The following RNF180 variants were observed in gnomAD, a reference collection of about 807,000 sequenced individuals.
RNF180 encodes the protein ring finger protein 180, also known as E3 ubiquitin-protein ligase RNF180.
A neutral mutation model predicts 59.2 loss-of-function variants in RNF180; 38 were observed. That is an observed-to-expected ratio of 0.64 (90% confidence interval 0.50 to 0.84). RNF180 has a LOEUF of 0.84. Ranked by LOEUF, RNF180 falls within the 40% of genes least tolerant of loss-of-function variation. The probability of loss-of-function intolerance (pLI) is 0.00; values close to 1 mark genes in which losing one functional copy is unlikely to be tolerated. For missense variants in RNF180, 705 were observed against 700.9 expected, an observed-to-expected ratio of 1.01 and a Z score of -0.07; for synonymous variants, 262 against 240.3, an observed-to-expected ratio of 1.09 and a Z score of -0.84.
intron 2 of RNF180, among the ~76,000 whole-genome samples, chr5:64,207,708 T>C (rs1240619463): frequency 2.0e-5 from 3 of 152,156 alleles, no homozygotes; most frequent in African/African-American, 4.8e-5. Context: ...TTTCAATTCA[T>C]TGTGACCTTT....
chr5:64,276,611 A>C (rs1325094186), intron 5 of RNF180, among the ~76,000 whole-genome samples: 1 of 152,004 alleles, frequency 6.6e-6, no homozygotes, highest in African/African-American at 2.4e-5. Flanking sequence ...TTATGGAGCC[A>C]TGTTCTCTCT....
intron 1 of RNF180, among the ~76,000 whole-genome samples, chr5:64,175,823 C>T (rs571701166): frequency 5.9e-5 from 9 of 152,192 alleles, no homozygotes; most frequent in Admixed American, 5.2e-4. Context: ...CTTTCACATG[C>T]TTGGTTAAAT....
At chr5:64,295,070 T>C (rs1363965644) in intron 5 of RNF180, among the ~76,000 whole-genome samples, 1 of 152,220 alleles carries the variant, frequency 6.6e-6, no homozygotes, top group African/African-American at 2.4e-5. Context: ...GTGTTATGTT[T>C]TAGGGTTTCA....
rs528102852 is a variant in RNF180, at chr5:64,202,413, C to T, written c.135+1471C>T. Among the ~76,000 whole-genome samples, 104 of 152,120 alleles carry T rather than the reference C, an allele frequency of 6.8e-4. 2 individuals carry two copies. The highest frequency in any genetic ancestry group is 3.9e-4 in the East Asian group (2 of 5,176). On this transcript the variant is annotated intron_variant, in intron 2 of 7. Transcript: ENST00000389100. ...TTTTCTGCTGAAGGACATTGGCATT[C>T]GTTCCAGTTTTAAGTTATGAATAAA... is the stretch of plus-strand genomic sequence containing the variant.
At position 64,325,128 on chromosome 5, in the gene RNF180, A is replaced by G. The variant is rs1580254659; in HGVS notation, c.1228-58A>G. The G allele has an allele frequency of 2.8e-6, 3 of 1,082,644 alleles. No homozygotes were observed. The East Asian group carries it at 7.8e-5, about 28-fold the overall frequency. The allele number at this position is 1,082,644 out of a possible 1,614,324, so 67.1% of individuals were successfully genotyped here. A position where few individuals can be genotyped will look rare whatever the true frequency, so the allele number is the denominator to read the frequency against. ...TTCATTTTAACAAAATATAAAGGCTATCTTAAGGAAACCAATCTCATACTA... is the reference window on the plus strand; with the variant it reads ...TTCATTTTAACAAAATATAAAGGCTGTCTTAAGGAAACCAATCTCATACTA... On this transcript the variant is annotated intron_variant, in intron 5 of 7. Transcript: ENST00000389100.
At chr5:64,279,302 G>A (rs1193164448) in intron 5 of RNF180, among the ~76,000 whole-genome samples, 1 of 152,062 alleles carries the variant, frequency 6.6e-6, no homozygotes, top group Admixed American at 6.6e-5. Flanking sequence ...ACAGATTTTT[G>A]GCTATAGCAA....
intron 5 of RNF180, among the ~76,000 whole-genome samples, chr5:64,239,757 C>A (rs1465474305): frequency 6.6e-6 from 1 of 152,054 alleles, no homozygotes; most frequent in East Asian, 1.9e-4. Context: ...TAACGATCAT[C>A]TTAAAAAATA....
intron 5 of RNF180, among the ~76,000 whole-genome samples, chr5:64,270,079 A>G (rs999554852): frequency 1.3e-5 from 2 of 152,074 alleles, no homozygotes; most frequent in African/African-American, 4.8e-5. Context: ...AAATCAGTGT[A>G]TTTCACAGAA....
chr5:64,225,309 G>A (rs995705578), intron 5 of RNF180, among the ~76,000 whole-genome samples: 1 of 151,030 alleles, frequency 6.6e-6, no homozygotes, highest in Non-Finnish European at 1.5e-5. Flanking sequence ...CGTCTGGGAA[G>A]TGTGGAGCGC....
intron 5 of RNF180, among the ~76,000 whole-genome samples, chr5:64,313,312 C>T (rs932779751): frequency 2.0e-5 from 3 of 152,046 alleles, no homozygotes; most frequent in Non-Finnish European, 4.4e-5. Context: ...TCCTCTCTCC[C>T]TTTACCCATA....
intron 5 of RNF180, among the ~76,000 whole-genome samples, chr5:64,297,459 C>CT (rs965262613): frequency 7.9e-5 from 12 of 151,794 alleles, no homozygotes; most frequent in Admixed American, 3.9e-4. Flanking sequence ...AGAAGGGCTT[C>CT]TTTTTTTGGT....
intron 7 of RNF180, among the ~76,000 whole-genome samples, chr5:64,351,234 G>T (rs181822481): frequency 9.3e-4 from 142 of 152,256 alleles, no homozygotes; most frequent in African/African-American, 3.2e-3. Context: ...AAGAATCCTT[G>T]TGATTTTTGT....
intron 5 of RNF180, among the ~76,000 whole-genome samples, chr5:64,234,661 G>A (rs1234228146): frequency 6.4e-5 from 8 of 124,276 alleles, no homozygotes; most frequent in South Asian, 2.8e-4. Context: ...GTGCCGTGGC[G>A]CCATCTTGGC....
At chr5:64,282,633 T>C (rs1742069283) in intron 5 of RNF180, among the ~76,000 whole-genome samples, 1 of 152,308 alleles carries the variant, frequency 6.6e-6, no homozygotes, top group Non-Finnish European at 1.5e-5. Context: ...TGTTAGGTTG[T>C]TAATTTGAGA....
At chr5:64,267,555 A>G (rs1462295756) in intron 5 of RNF180, among the ~76,000 whole-genome samples, 1 of 135,834 alleles carries the variant, frequency 7.4e-6, no homozygotes, top group East Asian at 2.2e-4. Context: ...TCCTGTGTCC[A>G]TGTGATCTCA....
chr5:64,213,985 C>G lies in RNF180; in HGVS notation c.659C>G (p.Ala220Gly). The change falls in exon 4 of 8, where the codon GCT (alanine) becomes GGT (glycine). Residue 220 changes from alanine (A) to glycine (G), a missense_variant. Ala to Gly is a moderately conservative substitution (Grantham distance 60, BLOSUM62 0). Transcript: ENST00000389100. Reference sequence around the variant, plus strand: ...CCCCAGCTTGTGACTGGCAGATGCGCTACAAGAGCTTTTCATAGAAAATCA... The same window carrying G: ...CCCCAGCTTGTGACTGGCAGATGCGGTACAAGAGCTTTTCATAGAAAATCA... The part of the protein sequence containing the change: ...FVPQLVTGRC[A>G]TRAFHRKSHS... The G allele has an allele frequency of 1.9e-6, 3 of 1,614,012 alleles. No individual in the cohort carries two copies. The highest frequency in any genetic ancestry group is 2.5e-6 in the Non-Finnish European group (3 of 1,179,926).
At chr5:64,364,253 C>A (rs889062074) in intron 7 of RNF180, among the ~76,000 whole-genome samples, 2 of 151,694 alleles carry the variant, frequency 1.3e-5, no homozygotes, top group African/African-American at 4.8e-5. Flanking sequence ...AGGTGTATTC[C>A]TTCAATGCCT....
At chr5:64,248,229 C>T (rs190947936) in intron 5 of RNF180, among the ~76,000 whole-genome samples, 33 of 152,126 alleles carry the variant, frequency 2.2e-4, no homozygotes, top group Admixed American at 5.2e-4. Context: ...CACCAAAAGC[C>T]GTGGCAACAA....
Position 64,220,946 on chromosome 5 carries a change from C to T in RNF180, c.1227+3550C>T, listed in dbSNP as rs568885335. On this transcript the variant is annotated intron_variant, in intron 5 of 7. Coordinates refer to ENST00000389100, the MANE Select transcript of RNF180 (RefSeq NM_001113561.2). The stretch of plus-strand genomic sequence containing the variant: ...TTAAAAGGGTGTGATTTAGACACTA[C>T]GCATAATAGAAGCTAATAAATTATA... Among the ~76,000 whole-genome samples, 95 of 152,048 alleles carry T rather than the reference C, an allele frequency of 6.2e-4. 1 individual carries two copies. The South Asian group carries it at 8.5e-3, about 14-fold the overall frequency.
Sources: gnomAD v4.1 joint callset for allele counts (sites outside exome capture counted in the v4.1 genomes callset) on GRCh38, gnomAD v4.1.1 for gene constraint, MANE v1.5 for transcripts, NCBI Gene and HGNC (gene_info 2026-07-23, HGNC 2026-07-21) for gene names.